Variants in NTRK3 observed in about 807,000 individuals in gnomAD.
NTRK3 encodes NT-3 growth factor receptor.
Under a neutral mutation model 91.7 loss-of-function variants are expected in NTRK3, and 24 were observed. The ratio of observed to expected loss-of-function variants is 0.26; its 90% CI spans 0.19 to 0.37. The LOEUF is 0.37. Ranked by LOEUF, NTRK3 falls within the 10% of genes least tolerant of loss-of-function variation. NTRK3 has a pLI of 1.00. For synonymous variants in NTRK3, 483 were observed against 404.0 expected (o/e 1.20, Z -2.34); for missense variants, 880 against 1,068.9 (o/e 0.82, Z 2.46).
intron 17 of NTRK3, among the ~76,000 whole-genome samples, chr15:87,881,394 A>T (rs2065237563): frequency 7.0e-6 from 1 of 143,848 alleles, no homozygotes; most frequent in Non-Finnish European, 1.5e-5. Flanking sequence ...TAAAGTTCTC[A>T]TTTCCTTCTT....
chr15:87,963,731 G>T (rs1394897060), intron 14 of NTRK3, among the ~76,000 whole-genome samples: 1 of 152,134 alleles, frequency 6.6e-6, no homozygotes, highest in Non-Finnish European at 1.5e-5. Context: ...CTTATCATGG[G>T]TTTATCAGGA....
chr15:88,141,091 G>A (rs1479376681), intron 6 of NTRK3, among the ~76,000 whole-genome samples: 1 of 152,166 alleles, frequency 6.6e-6, no homozygotes, highest in Non-Finnish European at 1.5e-5. Context: ...TACGAATGAG[G>A]TTGGGATGGG....
chr15:88,198,512 C>G (rs924511642), intron 3 of NTRK3, among the ~76,000 whole-genome samples: 38 of 152,190 alleles, frequency 2.5e-4, no homozygotes, highest in Non-Finnish European at 4.4e-4. Context: ...TGATCCCAGC[C>G]TCACCCTCTA....
chr15:88,118,621 C>T (rs1430591414), intron 13 of NTRK3, among the ~76,000 whole-genome samples: 1 of 152,124 alleles, frequency 6.6e-6, no homozygotes, highest in Non-Finnish European at 1.5e-5. Context: ...TTTGAATTTA[C>T]TATTATTCTT....
intron 5 of NTRK3, among the ~76,000 whole-genome samples, chr15:88,161,118 G>A (rs916589010): frequency 6.6e-5 from 10 of 152,202 alleles, no homozygotes; most frequent in Non-Finnish European, 4.4e-5. Flanking sequence ...AATAGTAATA[G>A]CAGCTAACAA....
chr15:88,042,202 A>G (rs1488429447), intron 13 of NTRK3, among the ~76,000 whole-genome samples: 1 of 152,188 alleles, frequency 6.6e-6, no homozygotes, highest in African/African-American at 2.4e-5. Flanking sequence ...AGCACAACAA[A>G]CACAATTAAA....
At chr15:88,196,488 C>T (rs988367911) in intron 3 of NTRK3, among the ~76,000 whole-genome samples, 6 of 152,176 alleles carry the variant, frequency 3.9e-5, no homozygotes, top group African/African-American at 1.4e-4. Flanking sequence ...TCCTGTAAGA[C>T]CTGAGCACTG....
chr15:88,155,843 T>TCTAC, intron 5 of NTRK3, among the ~76,000 whole-genome samples: 1 of 150,898 alleles, frequency 6.6e-6, no homozygotes, highest in Non-Finnish European at 1.5e-5. Flanking sequence ...TATCTATCTA[T>TCTAC]CTATATAAAT....
At chr15:87,875,103 G>A (rs1370711926) in exon 19 of NTRK3, 1 of 230,978 alleles carries the variant, frequency 4.3e-6, no homozygotes, top group Non-Finnish European at 8.6e-6. Flanking sequence ...CCCACATAGG[G>A]AGGCCCACAT....
At position 88,240,859 on chromosome 15, in the gene NTRK3, G is replaced by C. The variant is rs2052281645; in HGVS notation, c.248+15047C>G. Among the ~76,000 whole-genome samples the C allele has an allele frequency of 6.6e-6, 1 of 152,232 alleles. No individual in the cohort carries two copies. Among genetic ancestry groups the C allele is most frequent in the Non-Finnish European group, 1.5e-5 (1 of 68,030 alleles). On this transcript the variant is annotated intron_variant, in intron 3 of 18. Coordinates refer to ENST00000394480, the Ensembl canonical transcript of NTRK3. The surrounding 1 kb of genome is among the most constrained non-coding windows in gnomAD (Gnocchi z 4.9). Reference sequence around the variant, plus strand: ...GAAGATTCCTCCAACGGGCTGCCCTGCTAAGGGCAAAGCCCGAGGCCCACA... The same window carrying C: ...GAAGATTCCTCCAACGGGCTGCCCTCCTAAGGGCAAAGCCCGAGGCCCACA...
chr15:87,928,761 A>C, intron 17 of NTRK3: 1 of 242,624 alleles, frequency 4.1e-6, no homozygotes, highest in Non-Finnish European at 8.0e-6. Context: ...ACATAATCAC[A>C]AGATAATTTC....
chr15:88,246,935 G>A (rs2052887741), intron 3 of NTRK3, among the ~76,000 whole-genome samples: 1 of 141,586 alleles, frequency 7.1e-6, no homozygotes, highest in Non-Finnish European at 1.5e-5. Context: ...AGCGCCACAC[G>A]CCCGGCTCCC....
intron 3 of NTRK3, among the ~76,000 whole-genome samples, chr15:88,229,647 G>A (rs997881137): frequency 3.3e-5 from 5 of 152,128 alleles, no homozygotes; most frequent in Non-Finnish European, 7.4e-5. Context: ...ATGTCCCCAG[G>A]GGTACCAGCA....
At chr15:87,917,054 G>T (rs929639288) in intron 17 of NTRK3, among the ~76,000 whole-genome samples, 2 of 152,250 alleles carry the variant, frequency 1.3e-5, no homozygotes, top group East Asian at 3.9e-4. Flanking sequence ...ACAAACCACC[G>T]CACCTGGCCA....
At chr15:88,066,571 A>T (rs1407468545) in intron 13 of NTRK3, among the ~76,000 whole-genome samples, 1 of 152,202 alleles carries the variant, frequency 6.6e-6, no homozygotes, top group East Asian at 1.9e-4. Context: ...TCCTCCCAGC[A>T]GCCTCCTGGA....
intron 13 of NTRK3, among the ~76,000 whole-genome samples, chr15:88,058,066 G>A (rs114926078): frequency 1.3e-5 from 2 of 152,206 alleles, no homozygotes; most frequent in Admixed American, 1.3e-4. Flanking sequence ...GATCTCACTG[G>A]CTCTGCAAGC....
chr15:88,117,982 C>T (rs1036922125), intron 13 of NTRK3, among the ~76,000 whole-genome samples: 1 of 152,230 alleles, frequency 6.6e-6, no homozygotes, highest in Admixed American at 6.5e-5. Flanking sequence ...CTCCTCTCTA[C>T]TCCCCTGCCC....
chr15:87,900,680 C>A (rs1274465400), intron 17 of NTRK3, among the ~76,000 whole-genome samples: 1 of 142,930 alleles, frequency 7.0e-6, no homozygotes, highest in Non-Finnish European at 1.5e-5. Context: ...AGCAGCCTGA[C>A]TTTACAGAGG....
chr15:88,027,081 C>A (rs184275746), intron 14 of NTRK3, among the ~76,000 whole-genome samples: 9 of 152,196 alleles, frequency 5.9e-5, no homozygotes, highest in Non-Finnish European at 1.0e-4. Context: ...TTACCTCCAG[C>A]CTTGCTGAGT....
Sources: gnomAD v4.1 joint callset for allele counts (sites outside exome capture counted in the v4.1 genomes callset) on GRCh38, gnomAD v4.1.1 for gene constraint, Gnocchi (gnomAD v3.1) non-coding constraint, MANE v1.5 for transcripts, NCBI Gene and HGNC (gene_info 2026-07-23, HGNC 2026-07-21) for gene names.